The following PRTFDC1 variants were observed in gnomAD, a reference collection of about 807,000 sequenced individuals.
PRTFDC1 encodes phosphoribosyltransferase domain-containing protein 1.
In PRTFDC1, 38 loss-of-function variants were observed where a neutral mutation model predicts 34.6. That is an observed-to-expected ratio of 1.10 (90% CI 0.85 to 1.44). The LOEUF is 1.44. Among genes scored for constraint, PRTFDC1 ranks in the 40% most tolerant of loss-of-function variants. The pLI is 0.00. For missense variants in PRTFDC1, 270 were observed against 283.0 expected (o/e 0.95, Z 0.33); for synonymous variants, 93 against 98.1 (o/e 0.95, Z 0.31).
At chr10:24,882,297 G>A (rs766935683) in intron 3 of PRTFDC1, among the ~76,000 whole-genome samples, 5 of 151,774 alleles carry the variant, frequency 3.3e-5, no homozygotes, top group Non-Finnish European at 7.4e-5. Flanking sequence ...GGCTTCCTCT[G>A]CATGGGTGCC....
intron 3 of PRTFDC1, among the ~76,000 whole-genome samples, chr10:24,912,294 A>AT (rs1483769594): frequency 2.3e-4 from 32 of 141,176 alleles, no homozygotes; most frequent in Non-Finnish European, 4.6e-4. Context: ...AAAAAAAAAA[A>AT]AGAAAGAAAT....
At chr10:24,870,489 G>A (rs938317711) in intron 4 of PRTFDC1, among the ~76,000 whole-genome samples, 1 of 152,106 alleles carries the variant, frequency 6.6e-6, no homozygotes, top group Non-Finnish European at 1.5e-5. Flanking sequence ...AAAAGCACAA[G>A]GTAAACTATT....
At chr10:24,900,639 A>G (rs778161009) in intron 3 of PRTFDC1, among the ~76,000 whole-genome samples, 4 of 152,212 alleles carry the variant, frequency 2.6e-5, no homozygotes, top group Non-Finnish European at 4.4e-5. Context: ...TATTCTCATC[A>G]AAGTGATTCA....
intron 3 of PRTFDC1, among the ~76,000 whole-genome samples, chr10:24,904,564 G>A (rs142737480): frequency 1.1e-3 from 162 of 152,284 alleles, no homozygotes; most frequent in African/African-American, 3.4e-3. Flanking sequence ...CTTCAGCCCC[G>A]TGAACTTGTC....
intron 3 of PRTFDC1, among the ~76,000 whole-genome samples, chr10:24,896,958 C>T (rs1268831022): frequency 6.6e-6 from 1 of 152,042 alleles, no homozygotes. Context: ...GTCCGTGGTC[C>T]CAGTTACTCA....
chr10:24,943,534 G>A (rs1849203307), intron 1 of PRTFDC1, among the ~76,000 whole-genome samples: 1 of 135,330 alleles, frequency 7.4e-6, no homozygotes, highest in Non-Finnish European at 1.5e-5. Context: ...CTGTATTCCA[G>A]TTTCCCATTC....
intron 3 of PRTFDC1, among the ~76,000 whole-genome samples, chr10:24,930,691 G>C (rs780248262): frequency 3.3e-5 from 5 of 151,970 alleles, no homozygotes; most frequent in Non-Finnish European, 7.4e-5. Context: ...CATGCTGCTT[G>C]ACCTTGGGCA....
intron 3 of PRTFDC1, among the ~76,000 whole-genome samples, chr10:24,918,055 G>A (rs1247412845): frequency 2.0e-5 from 3 of 152,132 alleles, no homozygotes; most frequent in Non-Finnish European, 2.9e-5. Flanking sequence ...GGTGGGAGGG[G>A]AGGAGAGCTG....
chr10:24,937,778 G>A (rs80141375), intron 2 of PRTFDC1, among the ~76,000 whole-genome samples: 17,252 of 151,630 alleles, frequency 0.11, 1,233 homozygotes, highest in East Asian at 0.28. Context: ...GGCTGGTCTC[G>A]AACTCCTGAC....
chr10:24,949,748 T>C (rs1849310558), intron 1 of PRTFDC1, among the ~76,000 whole-genome samples: 1 of 149,018 alleles, frequency 6.7e-6, no homozygotes, highest in East Asian at 1.9e-4. Flanking sequence ...TATTTTTTTT[T>C]TTTTTTTTAA....
At chr10:24,947,739 C>A (rs554075024) in intron 1 of PRTFDC1, among the ~76,000 whole-genome samples, 122 of 152,162 alleles carry the variant, frequency 8.0e-4, no homozygotes, top group African/African-American at 2.8e-3. Context: ...CACAGATTGG[C>A]CCTGTTCTCT....
intron 3 of PRTFDC1, among the ~76,000 whole-genome samples, chr10:24,897,272 T>C (rs1588600189): frequency 6.6e-6 from 1 of 152,166 alleles, no homozygotes; most frequent in East Asian, 1.9e-4. Flanking sequence ...AGAAGTCCCC[T>C]CCTTGGAGTC....
chr10:24,871,888 T>C lies in PRTFDC1; in HGVS notation c.405+110A>G, dbSNP rs139606003. ...GGATTCACGCAGCCATTTGTATGAA[T>C]TGGAAAACCCGGGAGCATGTCTGAA... On this transcript the variant is annotated intron_variant, in intron 4 of 8. Coordinates refer to ENST00000320152, the MANE Select transcript of PRTFDC1 (RefSeq NM_020200.7). 5.8e-4 allele frequency: 510 copies of C among 878,154 alleles called. 8 individuals carry two copies. In the East Asian group the frequency reaches 0.01, roughly 18 times the overall value. The allele number at this position is 878,154 out of a possible 1,614,324, so 54.4% of individuals were successfully genotyped here.
chr10:24,933,248 C>A (rs1848996088), intron 3 of PRTFDC1, among the ~76,000 whole-genome samples: 1 of 151,682 alleles, frequency 6.6e-6, no homozygotes, highest in Non-Finnish European at 1.5e-5. Flanking sequence ...CACAAAAGGA[C>A]ACACTAGATT....
intron 3 of PRTFDC1, among the ~76,000 whole-genome samples, chr10:24,903,240 ATTG>A: frequency 6.6e-6 from 1 of 152,282 alleles, no homozygotes; most frequent in South Asian, 2.1e-4. Flanking sequence ...AAATATAGGG[ATTG>A]TTGTGAGAAA....
At chr10:24,947,732 A>G (rs1245903276) in intron 1 of PRTFDC1, among the ~76,000 whole-genome samples, 1 of 152,030 alleles carries the variant, frequency 6.6e-6, no homozygotes, top group Non-Finnish European at 1.5e-5. Context: ...TGAGCTCCAC[A>G]GATTGGCCCT....
chr10:24,866,987 AAAAGAAAGGGAG>A (rs1847791102), intron 4 of PRTFDC1, among the ~76,000 whole-genome samples: 1 of 152,028 alleles, frequency 6.6e-6, no homozygotes, highest in South Asian at 2.1e-4. Flanking sequence ...TTATTTAAAA[AAAAGAAAGGGAG>A]AAAGAAATGG....
At chr10:24,859,209 C>T (rs1448687367) in intron 4 of PRTFDC1, among the ~76,000 whole-genome samples, 1 of 152,166 alleles carries the variant, frequency 6.6e-6, no homozygotes, top group Non-Finnish European at 1.5e-5. Context: ...CCCTCTTTCT[C>T]TTGCTCCATA....
At chr10:24,946,565 A>G (rs1019707928) in intron 1 of PRTFDC1, among the ~76,000 whole-genome samples, 7 of 152,206 alleles carry the variant, frequency 4.6e-5, no homozygotes, top group Non-Finnish European at 8.8e-5. Flanking sequence ...CACACCTGGG[A>G]CAAGCCTGCC....
Sources: allele counts gnomAD v4.1 joint callset (sites outside exome capture counted in the v4.1 genomes callset), GRCh38; gene constraint gnomAD v4.1.1; transcripts MANE v1.5; gene names NCBI Gene and HGNC (gene_info 2026-07-23, HGNC 2026-07-21).